Variants in LDLRAD2 observed in about 807,000 individuals in gnomAD.
The protein encoded by LDLRAD2 is low-density lipoprotein receptor class A domain-containing protein 2.
Under a neutral mutation model 24.9 loss-of-function variants are expected in LDLRAD2, and 25 were observed. The ratio of observed to expected loss-of-function variants is 1.00; its 90% CI spans 0.73 to 1.40. The LOEUF (loss-of-function observed/expected upper bound fraction) is 1.40. LDLRAD2 is among the 40% of genes most tolerant of loss of function. The probability of loss-of-function intolerance (pLI) is 0.00; values close to 1 mark genes in which losing one functional copy is unlikely to be tolerated. For missense variants in LDLRAD2, 391 were observed against 366.2 expected, an observed-to-expected ratio of 1.07 and a Z score of -0.55; for synonymous variants, 182 against 166.7, an observed-to-expected ratio of 1.09 and a Z score of -0.71.
Position 21,822,481 on chromosome 1 carries a change from C to A in LDLRAD2, c.*266C>A. 1 of 510,876 alleles carries A rather than the reference C, an allele frequency of 2.0e-6. No individual in the cohort carries two copies. Among genetic ancestry groups the A allele is most frequent in the South Asian group, 2.3e-5 (1 of 42,580 alleles). 31.6% of individuals were successfully genotyped at this position (510,876 alleles called of 1,614,324 possible). On this transcript the variant is annotated 3_prime_UTR_variant, in exon 5 of 5. Coordinates refer to ENST00000344642, the MANE Select transcript of LDLRAD2 (RefSeq NM_001013693.3). ...TAAGGCACTAGCTCTTCCTGAGCAC[C>A]AGCGGCATCCGTCCGTCCGTTGTCT...
chr1:21,820,522 CAAAAAAAA>C (rs11370390), intron 3 of LDLRAD2, among the ~76,000 whole-genome samples: 2 of 70,180 alleles, frequency 2.8e-5, no homozygotes, highest in African/African-American at 1.0e-4. Flanking sequence ...GACTCCGTCT[CAAAAAAAA>C]AAAAAAAAAA....
intron 3 of LDLRAD2, among the ~76,000 whole-genome samples, chr1:21,817,346 CTTAT>C (rs1256054409): frequency 3.3e-5 from 5 of 152,048 alleles, no homozygotes; most frequent in Admixed American, 1.3e-4. Flanking sequence ...AATGAACTTA[CTTAT>C]TTATTGTTTT....
In LDLRAD2 at chr1:21,824,103, C is replaced by G; in HGVS notation, c.*1888C>G. The G allele has an allele frequency of 6.2e-7, 1 of 1,608,456 alleles. No individual in the cohort carries two copies. Among genetic ancestry groups the G allele is most frequent in the Non-Finnish European group, 8.5e-7 (1 of 1,177,126 alleles). On this transcript the variant is annotated 3_prime_UTR_variant, in exon 5 of 5. Coordinates refer to ENST00000344642, the MANE Select transcript of LDLRAD2 (RefSeq NM_001013693.3). The surrounding 1 kb of genome is among the most constrained non-coding windows in gnomAD (Gnocchi z 5.9). ...AGAACGCTGGGCCCCATCCCGAGTGCCCGGCAGGGTCCCTTACCGCAGTGC... is the reference window on the plus strand; with the variant it reads ...AGAACGCTGGGCCCCATCCCGAGTGGCCGGCAGGGTCCCTTACCGCAGTGC...
In LDLRAD2 at chr1:21,814,674, G is replaced by A. The variant is rs2097942007; in HGVS notation, c.362G>A (p.Gly121Glu). The A allele has an allele frequency of 8.2e-6, 13 of 1,576,198 alleles. No homozygotes were observed. The highest frequency in any genetic ancestry group is 1.1e-5 in the Non-Finnish European group (13 of 1,162,362). ...SYLQFYEGPP[G>E]APRPLGSPLC... ...CTGCAGTTCTACGAGGGCCCGCCGGGGGCGCCCCGGCCCCTGGGGTCCCCA... is the reference window on the plus strand; with the variant it reads ...CTGCAGTTCTACGAGGGCCCGCCGGAGGCGCCCCGGCCCCTGGGGTCCCCA... Residue 121 changes from glycine to glutamate, a missense_variant, in exon 2 of 5, where the codon GGG becomes GAG. Coordinates refer to ENST00000344642, the MANE Select transcript of LDLRAD2 (RefSeq NM_001013693.3).
chr1:21,817,182 CTGCT>C, intron 3 of LDLRAD2, among the ~76,000 whole-genome samples: 1 of 152,328 alleles, frequency 6.6e-6, no homozygotes, highest in South Asian at 2.1e-4. Flanking sequence ...CTTCTCACAC[CTGCT>C]CTGCCATCAC....
At position 21,814,541 on chromosome 1, in the gene LDLRAD2, A is replaced by C; in HGVS notation, c.229A>C (p.Ile77Leu). The C allele has an allele frequency of 6.2e-7, 1 of 1,612,358 alleles. No individual in the cohort carries two copies. Residue 77 changes from isoleucine to leucine, a missense_variant, in exon 2 of 5, where the codon ATC (isoleucine) becomes CTC (leucine). Coordinates refer to ENST00000344642, the MANE Select transcript of LDLRAD2 (RefSeq NM_001013693.3). ...GCAGGCGGCAGCCCCCGGCGACCGG[A>C]TCCGCTTCCAGTTCCGCTTCTTCCT... ...WVQAAAPGDR[I>L]RFQFRFFLVY... is the part of the protein sequence containing the mutation.
In LDLRAD2 at chr1:21,821,571, A is replaced by C; in HGVS notation, c.765A>C (p.Pro255=). The change falls in exon 4 of 5, where the codon CCA becomes CCC. Residue 255 remains proline (P), a synonymous_variant. Coordinates refer to ENST00000344642, the MANE Select transcript of LDLRAD2 (RefSeq NM_001013693.3). ...SLWIAAERSS[P]AGRDPTRQDA... is the part of the protein sequence containing the mutation. ...GGATTGCAGCTGAGAGGAGTTCCCCAGCAGGCAGGGACCCCACGAGACAAG... is the reference window on the plus strand; with the variant it reads ...GGATTGCAGCTGAGAGGAGTTCCCCCGCAGGCAGGGACCCCACGAGACAAG... The C allele has an allele frequency of 6.2e-7, 1 of 1,614,080 alleles. No individual in the cohort carries two copies. Among genetic ancestry groups the C allele is most frequent in the Non-Finnish European group, 8.5e-7 (1 of 1,179,996 alleles).
intron 4 of LDLRAD2, 100 bp from the exon 5 acceptor site, chr1:21,822,102 A>C: frequency 6.2e-7 from 1 of 1,606,312 alleles, no homozygotes; most frequent in Admixed American, 1.7e-5. Flanking sequence ...AAATAGGACA[A>C]TTCCTGCCTC....
intron 1 of LDLRAD2, 44 bp from the exon 2 acceptor site, chr1:21,814,354 G>A: frequency 1.3e-6 from 2 of 1,503,998 alleles, no homozygotes; most frequent in South Asian, 1.3e-5. Context: ...AGTAGAGTTC[G>A]GGGTCGCGCC....
rs1489590198 is a variant in LDLRAD2, at chr1:21,824,255, G to A, written c.*2040G>A. On this transcript the variant is annotated 3_prime_UTR_variant, in exon 5 of 5. Coordinates refer to ENST00000344642, the MANE Select transcript of LDLRAD2 (RefSeq NM_001013693.3). The surrounding 1 kb of genome is among the most constrained non-coding windows in gnomAD (Gnocchi z 5.9). ...ATGAGCTGGGGCAGGACCGGGGGGT[G>A]GGGTGCTGGGACCAGGGAAGGGAGA... is the stretch of plus-strand genomic sequence containing the variant. 1.9e-6 allele frequency: 3 copies of A among 1,612,572 alleles called. No individual in the cohort carries two copies. Among genetic ancestry groups the A allele is most frequent in the Non-Finnish European group, 1.7e-6 (2 of 1,178,964 alleles).
At position 21,824,812 on chromosome 1, in the gene LDLRAD2, C is replaced by T. The variant is rs2097964865; in HGVS notation, c.*2597C>T. On this transcript the variant is annotated 3_prime_UTR_variant, in exon 5 of 5. Transcript: ENST00000344642. This position sits in a 1 kb window ranked among gnomAD's most constrained non-coding sequence, Gnocchi z 5.9. ...AGAGAGGAGGGTGGTGCCATACCTG[C>T]TGCATCAGGCATCAAAATCCCCCGT... The T allele has an allele frequency of 6.3e-7, 1 of 1,576,286 alleles. No homozygotes were observed.
chr1:21,821,324 A>T, intron 3 of LDLRAD2, 126 bp from the exon 4 acceptor site: 3 of 1,279,814 alleles, frequency 2.3e-6, no homozygotes, highest in Non-Finnish European at 3.3e-6. Context: ...GGCAAGTGAC[A>T]ACCTCTCTGT....
intron 1 of LDLRAD2, 110 bp downstream of exon 1, chr1:21,812,646 A>C: frequency 1.1e-6 from 1 of 880,638 alleles, no homozygotes; most frequent in Non-Finnish European, 1.8e-6. Context: ...AGACCTTTTG[A>C]GCTGGGGGAG....
chr1:21,824,777 C>T lies in LDLRAD2; in HGVS notation c.*2562C>T. On this transcript the variant is annotated 3_prime_UTR_variant, in exon 5 of 5. Transcript: ENST00000344642. The surrounding 1 kb of genome is among the most constrained non-coding windows in gnomAD (Gnocchi z 5.9). Reference sequence around the variant, plus strand: ...AAATAGGCTCCGTACTGCCCAGGGGCATCTGTGGGAGAGAGGAGGGTGGTG... The same window carrying T: ...AAATAGGCTCCGTACTGCCCAGGGGTATCTGTGGGAGAGAGGAGGGTGGTG... 1.2e-6 allele frequency: 2 copies of T among 1,611,918 alleles called. No homozygotes were observed. Among genetic ancestry groups the T allele is most frequent in the Non-Finnish European group, 8.5e-7 (1 of 1,179,148 alleles).
rs554059442 is a variant in LDLRAD2, at chr1:21,823,345, C to G, written c.*1130C>G. The G allele has an allele frequency of 2.6e-6, 4 of 1,542,662 alleles. No homozygotes were observed. The highest frequency in any genetic ancestry group is 1.2e-5 in the South Asian group (1 of 84,388). On this transcript the variant is annotated 3_prime_UTR_variant, in exon 5 of 5. Transcript: ENST00000344642. ...GAGGGGCAGGGGCGTGTGTTGGCCC[C>G]GGCCTGGGCGCGGTGCTGCAGGTCC... is the stretch of plus-strand genomic sequence containing the variant.
At chr1:21,814,356 G>A in intron 1 of LDLRAD2, 42 bp from the exon 2 acceptor site, 1 of 1,507,614 alleles carries the variant, frequency 6.6e-7, no homozygotes, top group East Asian at 2.4e-5. Context: ...TAGAGTTCGG[G>A]GTCGCGCCGC....
chr1:21,818,301 C>T lies in LDLRAD2; in HGVS notation c.643+2227C>T, dbSNP rs530857160. Reference sequence around the variant, plus strand: ...TGCTGGGATTACAGGCGTGAGCCTCCGCACCCGGCCTCATGTTACATTCAT... The same window carrying T: ...TGCTGGGATTACAGGCGTGAGCCTCTGCACCCGGCCTCATGTTACATTCAT... On this transcript the variant is annotated intron_variant, in intron 3 of 4. Transcript: ENST00000344642. Among the ~76,000 whole-genome samples, 107 of 152,280 alleles carry T rather than the reference C, an allele frequency of 7.0e-4. No individual in the cohort carries two copies. The Middle Eastern group carries it at 0.02, about 29-fold the overall frequency.
chr1:21,819,434 C>T (rs2097947784), intron 3 of LDLRAD2, among the ~76,000 whole-genome samples: 1 of 151,688 alleles, frequency 6.6e-6, no homozygotes, highest in Admixed American at 6.6e-5. Flanking sequence ...GATATGCTTC[C>T]TGTACAGCCT....
rs2097956302 is a variant in LDLRAD2 at position 21,823,172 on chromosome 1, C to A, written c.*957C>A. Reference sequence around the variant, plus strand: ...TGTGTGTGTGAGGGTGGCATGCCCACCTCCAGTCCAGCCCAGGGCGGTAGC... The same window carrying A: ...TGTGTGTGTGAGGGTGGCATGCCCAACTCCAGTCCAGCCCAGGGCGGTAGC... On this transcript the variant is annotated 3_prime_UTR_variant, in exon 5 of 5. Transcript: ENST00000344642. The A allele has an allele frequency of 3.7e-6, 3 of 809,808 alleles. No individual in the cohort carries two copies. In the Admixed American group the frequency reaches 9.6e-5, roughly 26 times the overall value. The allele number at this position is 809,808 out of a possible 1,614,324, so 50.2% of individuals were successfully genotyped here.
Sources: allele counts gnomAD v4.1 joint callset (sites outside exome capture counted in the v4.1 genomes callset), GRCh38; gene constraint gnomAD v4.1.1; non-coding constraint Gnocchi (gnomAD v3.1); transcripts MANE v1.5; gene names NCBI Gene and HGNC (gene_info 2026-07-23, HGNC 2026-07-21).